The following TNS1 variants were observed in gnomAD, a reference collection of about 807,000 sequenced individuals.
TNS1 encodes the protein tensin 1, also known as tensin-1.
Under a neutral mutation model 168.6 loss-of-function variants are expected in TNS1, and 62 were observed. The observed-to-expected ratio is 0.37, with a 90% CI of 0.30 to 0.45. The LOEUF (loss-of-function observed/expected upper bound fraction) is 0.45, where lower values mean the gene tolerates loss of function less well. Among genes scored for constraint, TNS1 ranks in the 20% least tolerant of loss-of-function variants. TNS1 has a pLI of 1.00. For missense variants in TNS1, 2,240 were observed against 2,339.4 expected, an observed-to-expected ratio of 0.96 and a Z score of 0.88; for synonymous variants, 934 against 933.2, an observed-to-expected ratio of 1.00 and a Z score of -0.02.
At chr2:218,016,336 A>G (rs1958759912) in intron 1 of TNS1, among the ~76,000 whole-genome samples, 1 of 152,168 alleles carries the variant, frequency 6.6e-6, no homozygotes, top group South Asian at 2.1e-4. Flanking sequence ...TAGAGACACC[A>G]GGAGGGAGAG....
rs1214846935 is a variant in TNS1, at chr2:217,818,629, A to T, written c.3703T>A (p.Tyr1235Asn). The T allele has an allele frequency of 4.3e-6, 7 of 1,614,080 alleles. No homozygotes were observed. The highest frequency in any genetic ancestry group is 5.9e-6 in the Non-Finnish European group (7 of 1,180,050). The change falls in exon 24 of 33, where the codon TAC (tyrosine) becomes AAC (asparagine). Residue 1235 changes from tyrosine (Y) to asparagine (N), a missense_variant. By Grantham distance (143) the Tyr-to-Asn change is moderately radical. Around this residue, in one of 2 missense-constraint regions of TNS1, gnomAD observed 2,131 missense variants for 2,171.2 expected, o/e 0.98. Coordinates refer to ENST00000682258, the MANE Select transcript of TNS1 (RefSeq NM_001387777.1). ...GQPSPSAQRN[Y>N]QSSSPLPTVG... ...GTCGGGAGAGGAGAAGAGCTCTGGT[A>T]GTTTCTCTGGGCAGACGGGCTGGGC...
intron 18 of TNS1, among the ~76,000 whole-genome samples, chr2:217,870,352 G>A (rs1353137401): frequency 2.6e-5 from 4 of 152,236 alleles, no homozygotes; most frequent in Non-Finnish European, 5.9e-5. Flanking sequence ...GATCAGTTAA[G>A]TAACTGGAAA....
chr2:217,839,777 C>T (rs545808631), intron 19 of TNS1, among the ~76,000 whole-genome samples: 30 of 152,326 alleles, frequency 2.0e-4, no homozygotes, highest in East Asian at 1.4e-3. Context: ...TCCAGTCTTC[C>T]GATTTCCAAA....
chr2:217,807,946 G>A, intron 32 of TNS1, 129 bp downstream of exon 32: 1 of 1,105,098 alleles, frequency 9.0e-7, no homozygotes, highest in East Asian at 2.6e-5. Context: ...GAAGCTGAGT[G>A]ACCTTGGCAC....
intron 4 of TNS1, among the ~76,000 whole-genome samples, chr2:217,911,253 G>A (rs1270364451): frequency 6.6e-6 from 1 of 152,200 alleles, no homozygotes; most frequent in African/African-American, 2.4e-5. Flanking sequence ...CAGCTTAGAA[G>A]CAGGTGGCAG....
chr2:217,987,202 T>C (rs575051801), intron 2 of TNS1, among the ~76,000 whole-genome samples: 2 of 152,232 alleles, frequency 1.3e-5, no homozygotes, highest in South Asian at 4.1e-4. Flanking sequence ...TCTGCATCTT[T>C]CACACAGAGC....
chr2:217,973,478 G>A (rs1377988260), intron 3 of TNS1, among the ~76,000 whole-genome samples: 1 of 152,136 alleles, frequency 6.6e-6, no homozygotes, highest in African/African-American at 2.4e-5. Context: ...TGAGGGGTAA[G>A]GGTGGGAATT....
At chr2:217,949,739 C>CA (rs57937641) in intron 3 of TNS1, among the ~76,000 whole-genome samples, 25,464 of 140,444 alleles carry the variant, frequency 0.18, 4,235 homozygotes, top group African/African-American at 0.46. Context: ...CACCAAGGAA[C>CA]AAAAAAAAAA....
intron 3 of TNS1, among the ~76,000 whole-genome samples, chr2:217,949,248 T>C (rs752160263): frequency 2.0e-5 from 3 of 152,230 alleles, no homozygotes; most frequent in Non-Finnish European, 1.5e-5. Context: ...AACATGTTTC[T>C]AGGCAGACGT....
intron 3 of TNS1, among the ~76,000 whole-genome samples, chr2:217,946,338 C>T (rs762927730): frequency 1.7e-4 from 26 of 152,090 alleles, no homozygotes; most frequent in South Asian, 8.3e-4. Context: ...ATTTTTGGAA[C>T]GATAAGGGAT....
chr2:217,955,412 G>T (rs763109179), intron 3 of TNS1, among the ~76,000 whole-genome samples: 14 of 152,072 alleles, frequency 9.2e-5, no homozygotes, highest in Non-Finnish European at 1.5e-4. Context: ...TGAGAAGTGG[G>T]CCCAAACACG....
chr2:217,843,145 A>AC (rs1416189319), intron 19 of TNS1, among the ~76,000 whole-genome samples: 10 of 151,742 alleles, frequency 6.6e-5, no homozygotes, highest in African/African-American at 2.4e-4. Flanking sequence ...AAAAAAAAAA[A>AC]ACACAAGAGT....
At chr2:217,854,929 A>C (rs1947948030) in intron 18 of TNS1, among the ~76,000 whole-genome samples, 1 of 152,178 alleles carries the variant, frequency 6.6e-6, no homozygotes, top group African/African-American at 2.4e-5. Context: ...TGGCCATATC[A>C]GCTTGCATTG....
rs1355933390 is a variant in TNS1 at position 217,831,500 on chromosome 2, G to C, written c.3328C>G (p.Leu1110Val). The C allele has an allele frequency of 7.0e-6, 11 of 1,579,208 alleles. No individual in the cohort carries two copies. The highest frequency in any genetic ancestry group is 8.6e-6 in the Non-Finnish European group (10 of 1,164,638). The change falls in exon 22 of 33, where the codon CTG (leucine) becomes GTG (valine). Residue 1110 changes from leucine (L) to valine (V), a missense_variant. Leu to Val is a conservative substitution (Grantham distance 32). Transcript: ENST00000682258. Reference protein sequence around the residue: ...LAKTPLSALGLKPHNPADILL... With the variant: ...LAKTPLSALGVKPHNPADILL... ...ATGTCCGCTGGGTTGTGAGGTTTCA[G>C]GCCCAGAGCAGACAGGGGTGTCTTG...
intron 1 of TNS1, among the ~76,000 whole-genome samples, chr2:218,031,166 AGT>A (rs1283534813): frequency 9.4e-6 from 1 of 105,952 alleles, no homozygotes; most frequent in Non-Finnish European, 1.8e-5. Flanking sequence ...CATGTCTATG[AGT>A]GTCTTGTGTG....
At chr2:217,832,771 G>A (rs143509718) in intron 21 of TNS1, among the ~76,000 whole-genome samples, 95 of 152,346 alleles carry the variant, frequency 6.2e-4, no homozygotes, top group Middle Eastern at 3.4e-3. Flanking sequence ...GGGTCCGGAT[G>A]AGTGGCACAC....
intron 2 of TNS1, among the ~76,000 whole-genome samples, chr2:217,982,417 T>A (rs913066198): frequency 3.0e-4 from 44 of 146,672 alleles, no homozygotes; most frequent in African/African-American, 8.7e-4. Context: ...TTTTTTTTTT[T>A]AGACATGGTC....
intron 3 of TNS1, among the ~76,000 whole-genome samples, chr2:217,923,136 G>T (rs1020218888): frequency 1.3e-5 from 2 of 152,144 alleles, no homozygotes; most frequent in African/African-American, 4.8e-5. Flanking sequence ...CCTCTGCAGG[G>T]GGCAGACTCT....
chr2:217,841,431 A>G (rs1424366653), intron 19 of TNS1: 4 of 192,504 alleles, frequency 2.1e-5, no homozygotes, highest in South Asian at 1.8e-4. Flanking sequence ...GGGGCATTAA[A>G]CAGGACAAAA....
Sources: allele counts gnomAD v4.1 joint callset (sites outside exome capture counted in the v4.1 genomes callset), GRCh38; gene constraint gnomAD v4.1.1; regional missense constraint gnomAD v4.1.1; transcripts MANE v1.5; gene names NCBI Gene and HGNC (gene_info 2026-07-23, HGNC 2026-07-21).